SAMD4A: variants seen among roughly 807,000 people sequenced by gnomAD.
The protein encoded by SAMD4A is protein Smaug homolog 1.
SAMD4A carries 33 observed loss-of-function variants against 81.3 expected under a neutral mutation model. That is an observed-to-expected ratio of 0.41 (90% CI 0.31 to 0.54). The LOEUF is 0.54. Among genes scored for constraint, SAMD4A ranks in the 20% least tolerant of loss-of-function variants. The probability of loss-of-function intolerance (pLI) is 0.37; values close to 1 mark genes in which losing one functional copy is unlikely to be tolerated. For missense variants in SAMD4A, 854 were observed against 951.1 expected, an observed-to-expected ratio of 0.90 and a Z score of 1.34; for synonymous variants, 389 against 382.1, an observed-to-expected ratio of 1.02 and a Z score of -0.21.
At chr14:54,783,382 G>A (rs770641118) in intron 11 of SAMD4A, among the ~76,000 whole-genome samples, 9 of 152,308 alleles carry the variant, frequency 5.9e-5, no homozygotes, top group East Asian at 1.9e-4. Flanking sequence ...TGAGGCCTGC[G>A]GAGGTGCTGA....
At chr14:54,624,062 G>A (rs1044720183) in intron 2 of SAMD4A, among the ~76,000 whole-genome samples, 10 of 151,996 alleles carry the variant, frequency 6.6e-5, no homozygotes, top group Non-Finnish European at 7.4e-5. Context: ...TGCAAACTCC[G>A]CCTCCCGGGT....
chr14:54,658,317 T>C (rs918294082), intron 2 of SAMD4A, among the ~76,000 whole-genome samples: 1 of 151,956 alleles, frequency 6.6e-6, no homozygotes, highest in African/African-American at 2.4e-5. Flanking sequence ...TCTCAAAAAA[T>C]AAAAAGAGCA....
chr14:54,779,458 T>A (rs577579806), intron 11 of SAMD4A, among the ~76,000 whole-genome samples: 97 of 152,350 alleles, frequency 6.4e-4, no homozygotes, highest in Non-Finnish European at 7.1e-4. Context: ...ATTTGAAGGA[T>A]GCTTTCATTC....
chr14:54,668,277 G>A (rs550779633), intron 2 of SAMD4A, among the ~76,000 whole-genome samples: 1 of 152,224 alleles, frequency 6.6e-6, no homozygotes, highest in South Asian at 2.1e-4. Context: ...AGCCATCCTC[G>A]AGGGCCGAGC....
intron 2 of SAMD4A, among the ~76,000 whole-genome samples, chr14:54,695,905 AC>A: frequency 6.7e-6 from 1 of 149,014 alleles, no homozygotes. Flanking sequence ...GTGAGCCAAG[AC>A]CATGCCACTG....
At chr14:54,611,435 T>TA (rs1304032007) in intron 2 of SAMD4A, among the ~76,000 whole-genome samples, 1 of 152,180 alleles carries the variant, frequency 6.6e-6, no homozygotes, top group South Asian at 2.1e-4. Context: ...AGCCTTTACA[T>TA]AAAAATCGTA....
At chr14:54,681,776 C>T (rs117721721) in intron 2 of SAMD4A, 10 of 984,762 alleles carry the variant, frequency 1.0e-5, no homozygotes, top group East Asian at 1.1e-4. Context: ...GATGGAGCCC[C>T]AAATGAAAAA....
Position 54,667,562 on chromosome 14 carries a change from A to G in SAMD4A, c.197-34500A>G, listed in dbSNP as rs528790240. 6.2e-4 allele frequency among the ~76,000 whole-genome samples: 95 copies of G among 152,208 alleles called. 1 individual carries two copies. The highest frequency in any genetic ancestry group is 3.4e-3 in the Middle Eastern group (1 of 294). ...CTCATTGAAGAGCCAAGGAGAGGCA[A>G]ATGTCATTCTTCCACATCCTGCTAT... is the stretch of plus-strand genomic sequence containing the variant. On this transcript the variant is annotated intron_variant, in intron 2 of 12. Coordinates refer to ENST00000554335, the MANE Select transcript of SAMD4A (RefSeq NM_015589.6).
rs566238253 is a variant in SAMD4A, at chr14:54,725,477, G to A, written c.716-11547G>A. On this transcript the variant is annotated intron_variant, in intron 3 of 12. Transcript: ENST00000554335. ...AAGAGCAAGGTGAAGTTTCTCTTCA[G>A]TATGACAGACCATGATGGAAAATTT... 6.4e-4 allele frequency among the ~76,000 whole-genome samples: 98 copies of A among 152,368 alleles called. 1 individual carries two copies. Among genetic ancestry groups the A allele is most frequent in the African/African-American group, 2.2e-3 (91 of 41,592 alleles).
At position 54,613,137 on chromosome 14, in the gene SAMD4A, A is replaced by AAAGGAAGGAAGGAAGG. The variant is rs66698502; in HGVS notation, c.196+45033_196+45048dup. Among the ~76,000 whole-genome samples, 216 of 144,642 alleles carry AAAGGAAGGAAGGAAGG rather than the reference A, an allele frequency of 1.5e-3. 2 individuals are homozygous for AAAGGAAGGAAGGAAGG. Among genetic ancestry groups the AAAGGAAGGAAGGAAGG allele is most frequent in the African/African-American group, 4.6e-3 (177 of 38,242 alleles). The allele number at this position is 144,642 out of a possible 152,430, so 94.9% of individuals were successfully genotyped here. ...TCAAGAAAGAAAAAGAGAGAGAGAG[A>AAAGGAAGGAAGGAAGG]AAGGAAGGAAGGAAGGAAGGAAGAG... On this transcript the variant is annotated intron_variant, in intron 2 of 12. Coordinates refer to ENST00000554335, the MANE Select transcript of SAMD4A (RefSeq NM_015589.6).
In SAMD4A at chr14:54,622,277, G is replaced by A. The variant is rs1377426331; in HGVS notation, c.196+54165G>A. Among the ~76,000 whole-genome samples the A allele has an allele frequency of 2.0e-5, 3 of 152,138 alleles. No individual in the cohort carries two copies. The East Asian group carries it at 5.8e-4, about 29-fold the overall frequency. ...GGTTATAAATGTCTGTCTTCCATTT[G>A]TGTTCTTAATACGTGGTCATTCTTA... On this transcript the variant is annotated intron_variant, in intron 2 of 12. Transcript: ENST00000554335.
At chr14:54,746,531 G>C (rs1033293696) in intron 4 of SAMD4A, among the ~76,000 whole-genome samples, 1 of 152,216 alleles carries the variant, frequency 6.6e-6, no homozygotes, top group African/African-American at 2.4e-5. Context: ...TGTCAAAATA[G>C]TTTTATAGAA....
chr14:54,746,324 G>C (rs981909701), intron 4 of SAMD4A, among the ~76,000 whole-genome samples: 1 of 152,150 alleles, frequency 6.6e-6, no homozygotes, highest in Non-Finnish European at 1.5e-5. Context: ...GTGTCCGTGC[G>C]TACCTGCCTC....
intron 2 of SAMD4A, among the ~76,000 whole-genome samples, chr14:54,576,340 A>C (rs143613070): frequency 6.6e-6 from 1 of 152,126 alleles, no homozygotes; most frequent in Non-Finnish European, 1.5e-5. Context: ...CCAGTTTTGA[A>C]ATTTTGAAGA....
Position 54,774,922 on chromosome 14 carries a change from T to G in SAMD4A, c.1716-12T>G. 6.2e-7 allele frequency: 1 copy of G among 1,614,038 alleles called. No homozygotes were observed. The highest frequency in any genetic ancestry group is 8.5e-7 in the Non-Finnish European group (1 of 1,179,948). ...GACTGATATTCTCTTCCTTCTCTCTTGGCTCTCACAGTCGAGGCTTTGGGC... is the reference window on the plus strand; with the variant it reads ...GACTGATATTCTCTTCCTTCTCTCTGGGCTCTCACAGTCGAGGCTTTGGGC... On this transcript the variant is annotated splice_polypyrimidine_tract_variant and intron_variant, in intron 9 of 12. Coordinates refer to ENST00000554335, the MANE Select transcript of SAMD4A (RefSeq NM_015589.6).
chr14:54,717,581 G>T (rs1250751145), intron 3 of SAMD4A, among the ~76,000 whole-genome samples: 2 of 152,076 alleles, frequency 1.3e-5, no homozygotes, highest in African/African-American at 4.8e-5. Flanking sequence ...TGACATCTCT[G>T]GGTAAAAATG....
At chr14:54,635,191 G>C (rs2035005130) in intron 2 of SAMD4A, among the ~76,000 whole-genome samples, 1 of 152,208 alleles carries the variant, frequency 6.6e-6, no homozygotes, top group South Asian at 2.1e-4. Flanking sequence ...GGGAGGCTGA[G>C]GCGGGTGGAT....
intron 2 of SAMD4A, among the ~76,000 whole-genome samples, chr14:54,603,608 G>T (rs891866576): frequency 3.3e-5 from 5 of 152,136 alleles, no homozygotes; most frequent in African/African-American, 1.2e-4. Context: ...CCAAAGAAAT[G>T]ATTGAGCAAG....
At chr14:54,640,488 C>T (rs1448233450) in intron 2 of SAMD4A, among the ~76,000 whole-genome samples, 1 of 152,122 alleles carries the variant, frequency 6.6e-6, no homozygotes, top group Non-Finnish European at 1.5e-5. Flanking sequence ...GAAACCTGTG[C>T]TGAGTGGAAA....
Sources: allele counts gnomAD v4.1 joint callset (sites outside exome capture counted in the v4.1 genomes callset), GRCh38; gene constraint gnomAD v4.1.1; transcripts MANE v1.5; gene names NCBI Gene and HGNC (gene_info 2026-07-23, HGNC 2026-07-21).